SCHIP1: variants seen among roughly 807,000 people sequenced by gnomAD.
The protein encoded by SCHIP1 is schwannomin-interacting protein 1.
SCHIP1 carries 8 observed loss-of-function variants against 29.7 expected under a neutral mutation model. The ratio of observed to expected loss-of-function variants is 0.27; its 90% CI spans 0.16 to 0.49. The LOEUF (loss-of-function observed/expected upper bound fraction) is 0.49, where lower values mean the gene tolerates loss of function less well. Among genes scored for constraint, SCHIP1 ranks in the 20% least tolerant of loss-of-function variants. The pLI is 0.99. For synonymous variants in SCHIP1, 76 were observed against 94.9 expected (o/e 0.80, Z 1.16); for missense variants, 193 against 294.6 (o/e 0.66, Z 2.52).
At chr3:159,822,356 A>C in the SCHIP1 span, among the ~76,000 whole-genome samples, 1 of 152,060 alleles carries the variant, frequency 6.6e-6, no homozygotes, top group African/African-American at 2.4e-5. Context: ...TGGACAGTAT[A>C]TGGGGTATAA....
At chr3:159,325,093 C>T in the SCHIP1 span, among the ~76,000 whole-genome samples, 19 of 152,132 alleles carry the variant, frequency 1.2e-4, no homozygotes, top group African/African-American at 4.1e-4. Context: ...GCATCAATTC[C>T]ATATGTCCTA....
At chr3:159,706,318 A>G in the SCHIP1 span, among the ~76,000 whole-genome samples, 1 of 152,138 alleles carries the variant, frequency 6.6e-6, no homozygotes, top group East Asian at 1.9e-4. Flanking sequence ...AGGGTGAATG[A>G]GAATTTTTGG....
At chr3:159,661,695 G>A in the SCHIP1 span, among the ~76,000 whole-genome samples, 1 of 152,102 alleles carries the variant, frequency 6.6e-6, no homozygotes, top group Non-Finnish European at 1.5e-5. Context: ...GTTTCCCAGG[G>A]CACCCTCTTG....
chr3:159,379,227 G>GT, the SCHIP1 span, among the ~76,000 whole-genome samples: 9,453 of 143,544 alleles, frequency 0.066, 700 homozygotes, highest in African/African-American at 0.18. Flanking sequence ...TTTGGTTTTT[G>GT]TTTTTTTTTT....
the SCHIP1 span, among the ~76,000 whole-genome samples, chr3:159,623,431 G>T: frequency 3.3e-5 from 5 of 152,120 alleles, no homozygotes; most frequent in African/African-American, 1.2e-4. Flanking sequence ...TTCGAGACCA[G>T]CTTGGTCAAC....
chr3:159,586,346 G>T, the SCHIP1 span, among the ~76,000 whole-genome samples: 3,717 of 152,240 alleles, frequency 0.024, 83 homozygotes, highest in Non-Finnish European at 0.033. Flanking sequence ...CTTTGCCTCA[G>T]TGACTGGACC....
the SCHIP1 span, among the ~76,000 whole-genome samples, chr3:159,411,812 A>G: frequency 6.6e-6 from 1 of 152,322 alleles, no homozygotes; most frequent in Admixed American, 6.5e-5. Context: ...ATCTGATCCA[A>G]AAGTCGCTTT....
the SCHIP1 span, among the ~76,000 whole-genome samples, chr3:159,582,789 C>CACACAA: frequency 7.5e-6 from 1 of 132,898 alleles, no homozygotes; most frequent in African/African-American, 3.3e-5. Flanking sequence ...TATATATATA[C>CACACAA]ACACACACAC....
the SCHIP1 span, among the ~76,000 whole-genome samples, chr3:159,676,675 G>A: frequency 6.6e-6 from 1 of 152,164 alleles, no homozygotes; most frequent in Non-Finnish European, 1.5e-5. Context: ...GATAGGAGAG[G>A]AGAAGTGGGA....
the SCHIP1 span, among the ~76,000 whole-genome samples, chr3:159,400,357 T>C: frequency 2.6e-3 from 390 of 152,328 alleles, no homozygotes; most frequent in African/African-American, 8.9e-3. Context: ...AATGTTTAGT[T>C]ACTATCAAAG....
chr3:159,417,231 T>C, the SCHIP1 span, among the ~76,000 whole-genome samples: 1 of 152,128 alleles, frequency 6.6e-6, no homozygotes, highest in African/African-American at 2.4e-5. Flanking sequence ...CCTCCCAAGC[T>C]GGGGTCCAAG....
the SCHIP1 span, among the ~76,000 whole-genome samples, chr3:159,712,463 TC>T: frequency 6.6e-6 from 1 of 152,066 alleles, no homozygotes; most frequent in Non-Finnish European, 1.5e-5. Flanking sequence ...ATGCCTGTAA[TC>T]CCAACAGTTT....
chr3:159,828,396 C>CGTATATATATAT, the SCHIP1 span, among the ~76,000 whole-genome samples: 82 of 60,166 alleles, frequency 1.4e-3, 2 homozygotes, highest in East Asian at 4.7e-3. Flanking sequence ...TACATATATA[C>CGTATATATATAT]GTATATATAT....
At chr3:159,479,146 T>C in the SCHIP1 span, among the ~76,000 whole-genome samples, 1 of 152,140 alleles carries the variant, frequency 6.6e-6, no homozygotes, top group East Asian at 1.9e-4. Context: ...GAATGCCAAA[T>C]TTTGTGTATC....
the SCHIP1 span, among the ~76,000 whole-genome samples, chr3:159,755,923 G>A: frequency 6.6e-6 from 1 of 152,258 alleles, no homozygotes; most frequent in Admixed American, 6.5e-5. Flanking sequence ...TCACACTGAT[G>A]CAAGAGGTGG....
At chr3:159,759,724 A>G in the SCHIP1 span, among the ~76,000 whole-genome samples, 1 of 152,192 alleles carries the variant, frequency 6.6e-6, no homozygotes, top group African/African-American at 2.4e-5. Flanking sequence ...ATTGCATGTG[A>G]CCTGCATGTA....
At chr3:159,512,519 T>C in the SCHIP1 span, among the ~76,000 whole-genome samples, 2 of 152,332 alleles carry the variant, frequency 1.3e-5, no homozygotes, top group Admixed American at 1.3e-4. Context: ...GAATAGAATA[T>C]ATAAATTGTG....
chr3:159,766,860 C>T, the SCHIP1 span, among the ~76,000 whole-genome samples: 1 of 152,202 alleles, frequency 6.6e-6, no homozygotes, highest in Admixed American at 6.5e-5. Context: ...AGCACCACCT[C>T]ATACCCCCAC....
the SCHIP1 span, among the ~76,000 whole-genome samples, chr3:159,296,727 C>T: frequency 5.9e-5 from 9 of 151,852 alleles, no homozygotes; most frequent in East Asian, 1.9e-4. Flanking sequence ...GAGCCGAGAT[C>T]GCACCATTGC....
Sources: gnomAD v4.1 joint callset for allele counts (sites outside exome capture counted in the v4.1 genomes callset) on GRCh38, gnomAD v4.1.1 for gene constraint, MANE v1.5 for transcripts, NCBI Gene and HGNC (gene_info 2026-07-23, HGNC 2026-07-21) for gene names.